Variants in FAM161A observed in about 807,000 individuals in gnomAD.
FAM161A encodes the protein protein FAM161A.
A neutral mutation model predicts 70.9 loss-of-function variants in FAM161A; 57 were observed. The ratio of observed to expected loss-of-function variants is 0.80; its 90% CI spans 0.65 to 1.00. FAM161A has a LOEUF of 1.00. Ranked by LOEUF, FAM161A falls within the 50% of genes least tolerant of loss-of-function variation. The probability of loss-of-function intolerance (pLI) is 0.00; values close to 1 mark genes in which losing one functional copy is unlikely to be tolerated. For synonymous variants in FAM161A, 299 were observed against 295.7 expected (o/e 1.01, Z -0.12); for missense variants, 880 against 836.0 (o/e 1.05, Z -0.65).
At chr2:61,818,384 A>T in the FAM161A span, among the ~76,000 whole-genome samples, 1 of 152,154 alleles carries the variant, frequency 6.6e-6, no homozygotes, top group Non-Finnish European at 1.5e-5. Context: ...ACCATTTTCC[A>T]TTAAAAGGCT....
intron 5 of FAM161A, among the ~76,000 whole-genome samples, chr2:61,828,312 A>C (rs779139080): frequency 2.0e-5 from 3 of 150,534 alleles, no homozygotes; most frequent in African/African-American, 4.9e-5. Context: ...TCATGCAATA[A>C]TTGTTGTCAG....
chr2:61,807,574 G>A, the FAM161A span, among the ~76,000 whole-genome samples: 1 of 150,682 alleles, frequency 6.6e-6, no homozygotes, highest in African/African-American at 2.4e-5. Flanking sequence ...CTGCAAAGTG[G>A]GGGACTTTGC....
At chr2:61,832,467 C>G (rs1672618940) in intron 5 of FAM161A, among the ~76,000 whole-genome samples, 1 of 152,082 alleles carries the variant, frequency 6.6e-6, no homozygotes, top group African/African-American at 2.4e-5. Flanking sequence ...AAAAGAAATA[C>G]AAGAAATGTA....
At chr2:61,810,848 A>AT in the FAM161A span, among the ~76,000 whole-genome samples, 1 of 152,076 alleles carries the variant, frequency 6.6e-6, no homozygotes, top group East Asian at 1.9e-4. Flanking sequence ...AAGTAGAGGA[A>AT]TGAGGGTGAA....
At chr2:61,840,657 C>G (rs755384920) in intron 2 of FAM161A, 76 bp from the exon 3 acceptor site, 11 of 1,172,116 alleles carry the variant, frequency 9.4e-6, no homozygotes, top group Non-Finnish European at 1.4e-5. Flanking sequence ...TACATATTTT[C>G]TTTTTTTTTC....
At chr2:61,847,597 C>G (rs527421706) in intron 1 of FAM161A, among the ~76,000 whole-genome samples, 2 of 151,970 alleles carry the variant, frequency 1.3e-5, no homozygotes. Flanking sequence ...ACGTCAAGGC[C>G]TCATCTCTAC....
the FAM161A span, among the ~76,000 whole-genome samples, chr2:61,811,710 T>C: frequency 1.2e-4 from 18 of 152,150 alleles, no homozygotes; most frequent in Admixed American, 3.3e-4. Context: ...CTCACTATGT[T>C]GCCCAGGCTA....
Position 61,840,003 on chromosome 2 carries a change from T to C in FAM161A, c.1001A>G (p.Lys334Arg), listed in dbSNP as rs751356249. 3.7e-6 allele frequency: 6 copies of C among 1,614,130 alleles called. No homozygotes were observed. The highest frequency in any genetic ancestry group is 4.2e-6 in the Non-Finnish European group (5 of 1,180,050). The stretch of plus-strand genomic sequence containing the variant: ...CAGCTGCTTTTCCCGGGCTGCTCGC[T>C]TCTGTTCCTCCCTTGCTATAAATTT... ...PFKFIAREEQ[K>R]RAAREKQLRD... The change falls in exon 3 of 7, where the codon AAG becomes AGG. Residue 334 changes from lysine to arginine, a missense_variant. Transcript: ENST00000404929.
chr2:61,848,141 T>G (rs1422076664), intron 1 of FAM161A, among the ~76,000 whole-genome samples: 2 of 152,208 alleles, frequency 1.3e-5, no homozygotes, highest in Non-Finnish European at 2.9e-5. Flanking sequence ...AATCATGTCT[T>G]ATAGCAGTCA....
chr2:61,827,237 C>T lies in FAM161A; in HGVS notation c.1873G>A (p.Glu625Lys). The T allele has an allele frequency of 6.2e-7, 1 of 1,613,580 alleles. No homozygotes were observed. Among genetic ancestry groups the T allele is most frequent in the South Asian group, 1.1e-5 (1 of 91,080 alleles). ...VAQKNARMAA[E>K]KHYSNTLKAL... ...TTTAGGGTATTAGAATAATGCTTTT[C>T]TGCTGCCATTCTTGCATTTTTCTAT... Residue 625 changes from glutamate to lysine, a missense_variant, in exon 6 of 7, where the codon GAA (glutamate) becomes AAA (lysine). Coordinates refer to ENST00000404929, the MANE Select transcript of FAM161A (RefSeq NM_001201543.2).
chr2:61,807,339 A>G, the FAM161A span, among the ~76,000 whole-genome samples: 23,983 of 151,716 alleles, frequency 0.16, 1,924 homozygotes, highest in Middle Eastern at 0.19. Context: ...ACAAAATAAA[A>G]GGCACTTAGG....
Position 61,825,401 on chromosome 2 carries a change from A to G in FAM161A, c.*1054T>C. 2.2e-6 allele frequency: 1 copy of G among 454,256 alleles called. No homozygotes were observed. The highest frequency in any genetic ancestry group is 4.4e-6 in the Non-Finnish European group (1 of 226,780). The allele number at this position is 454,256 out of a possible 1,614,324, so 28.1% of individuals were successfully genotyped here. On this transcript the variant is annotated 3_prime_UTR_variant, in exon 7 of 7. Transcript: ENST00000404929. ...ATGCACAATTTCATCATATAAAAAA[A>G]GGGATACTTGCCCCTAATTTAGATT... is the stretch of plus-strand genomic sequence containing the variant.
At chr2:61,822,640 G>A (rs1348906054), downstream of FAM161A, among the ~76,000 whole-genome samples, 1 of 152,168 alleles carries the variant, frequency 6.6e-6, no homozygotes, top group Non-Finnish European at 1.5e-5. Flanking sequence ...AGGCTAGAGT[G>A]CAGTGGCACA....
At chr2:61,800,656 G>T in the FAM161A span, among the ~76,000 whole-genome samples, 1 of 151,050 alleles carries the variant, frequency 6.6e-6, no homozygotes, top group Non-Finnish European at 1.5e-5. Flanking sequence ...GAGAGGCTGG[G>T]CATTCAATAT....
rs1324500838 is a variant in FAM161A, at chr2:61,825,978, A to T, written c.*477T>A. 2.2e-6 allele frequency: 1 copy of T among 454,236 alleles called. No individual in the cohort carries two copies. Among genetic ancestry groups the T allele is most frequent in the South Asian group, 1.6e-5 (1 of 64,482 alleles). 28.1% of individuals were successfully genotyped at this position (454,236 alleles called of 1,614,324 possible). On this transcript the variant is annotated 3_prime_UTR_variant, in exon 7 of 7. Coordinates refer to ENST00000404929, the MANE Select transcript of FAM161A (RefSeq NM_001201543.2). ...AAAAATGGCTCAGAGCAGCAAAACAAGTTAGAGGATTTATTCTGTGAAATG... is the reference window on the plus strand; with the variant it reads ...AAAAATGGCTCAGAGCAGCAAAACATGTTAGAGGATTTATTCTGTGAAATG...
chr2:61,819,615 A>G, the FAM161A span, among the ~76,000 whole-genome samples: 2 of 151,976 alleles, frequency 1.3e-5, no homozygotes, highest in Non-Finnish European at 1.5e-5. Flanking sequence ...ATATTAGTGA[A>G]CATTTTTTTT....
At chr2:61,820,372 T>C, downstream of FAM161A, 2 of 756,388 alleles carry the variant, frequency 2.6e-6, no homozygotes, top group South Asian at 2.7e-5. Flanking sequence ...GGGCTTTGGG[T>C]TTGTCACCTA....
intron 5 of FAM161A, among the ~76,000 whole-genome samples, chr2:61,828,876 C>CACATAGTG (rs559093981): frequency 1.2e-4 from 18 of 152,228 alleles, no homozygotes; most frequent in African/African-American, 3.6e-4. Flanking sequence ...TTTATGGAGC[C>CACATAGTG]ACATAGTGAC....
intron 2 of FAM161A, among the ~76,000 whole-genome samples, 167 bp from the exon 3 acceptor site, chr2:61,840,748 T>C (rs748723766): frequency 1.3e-5 from 2 of 152,134 alleles, no homozygotes; most frequent in Non-Finnish European, 1.5e-5. Flanking sequence ...CCTCCCAGGT[T>C]CAAGCAATTC....
Sources: allele counts gnomAD v4.1 joint callset (sites outside exome capture counted in the v4.1 genomes callset), GRCh38; gene constraint gnomAD v4.1.1; transcripts MANE v1.5; gene names NCBI Gene and HGNC (gene_info 2026-07-23, HGNC 2026-07-21).